The following TMEM263 variants were observed in gnomAD, a reference collection of about 807,000 sequenced individuals.
The protein encoded by TMEM263 is transmembrane protein 263.
A neutral mutation model predicts 8.6 loss-of-function variants in TMEM263; 5 were observed. The ratio of observed to expected loss-of-function variants is 0.58; its 90% confidence interval spans 0.31 to 1.23. The LOEUF (loss-of-function observed/expected upper bound fraction) is 1.23. Ranked by LOEUF, TMEM263 falls within the 50% of genes most tolerant of loss-of-function variation. The pLI is 0.07. For missense variants in TMEM263, 104 were observed against 138.8 expected (o/e 0.75, Z 1.26); for synonymous variants, 50 against 47.9 (o/e 1.04, Z -0.18).
chr12:106,956,240 G>T (rs1951687929), intron 1 of TMEM263, among the ~76,000 whole-genome samples, 175 bp downstream of exon 1: 1 of 152,218 alleles, frequency 6.6e-6, no homozygotes, highest in South Asian at 2.1e-4. Flanking sequence ...AGTTGGGGGC[G>T]GATGGAGGTT....
intron 3 of TMEM263, among the ~76,000 whole-genome samples, chr12:106,967,771 G>T (rs1469853024): frequency 6.6e-6 from 1 of 152,100 alleles, no homozygotes; most frequent in South Asian, 2.1e-4. Flanking sequence ...TTTGTAAAGG[G>T]TGAGGATGGA....
At chr12:106,965,798 CAT>C (rs929136954) in intron 2 of TMEM263, among the ~76,000 whole-genome samples, 3 of 151,188 alleles carry the variant, frequency 2.0e-5, no homozygotes, top group Admixed American at 6.6e-5. Flanking sequence ...TTGATATATA[CAT>C]ATATATATAT....
chr12:106,971,171 G>T lies in TMEM263; in HGVS notation c.131G>T (p.Ser44Ile). 1 of 1,614,232 alleles carries T rather than the reference G, an allele frequency of 6.2e-7. No homozygotes were observed. Among genetic ancestry groups the T allele is most frequent in the Non-Finnish European group, 8.5e-7 (1 of 1,180,046 alleles). The change falls in exon 4 of 4, where the codon AGT (serine) becomes ATT (isoleucine). Residue 44 changes from serine (S) to isoleucine (I), a missense_variant. Coordinates refer to ENST00000280756, the MANE Select transcript of TMEM263 (RefSeq NM_152261.4). ...TCCCGTGTGACTGGGGGTATCTTCA[G>T]TGTTACAAAGGGAGCTGTTGGTGCC... ...MLSRVTGGIF[S>I]VTKGAVGATI...
chr12:106,963,954 G>A (rs1458614818), intron 2 of TMEM263, among the ~76,000 whole-genome samples: 2 of 152,126 alleles, frequency 1.3e-5, no homozygotes, highest in Non-Finnish European at 2.9e-5. Flanking sequence ...AAATATGTAA[G>A]ATGTATGGGT....
intron 2 of TMEM263, among the ~76,000 whole-genome samples, chr12:106,964,993 C>T (rs1951824732): frequency 6.6e-6 from 1 of 152,122 alleles, no homozygotes; most frequent in African/African-American, 2.4e-5. Flanking sequence ...GATCACCTTA[C>T]TCTTTTGTCC....
At chr12:106,967,209 G>A (rs1951858524) in intron 3 of TMEM263, 29 bp downstream of exon 3, 2 of 1,262,918 alleles carry the variant, frequency 1.6e-6, no homozygotes, top group Non-Finnish European at 2.2e-6. Flanking sequence ...CACTAAGAAT[G>A]GAAAAATATA....
At position 106,955,934 on chromosome 12, in the gene TMEM263, G is replaced by A. The variant is rs945000272; in HGVS notation, c.-206G>A. On this transcript the variant is annotated 5_prime_UTR_variant, in exon 1 of 4. Transcript: ENST00000280756. ...AGTCTTCCAGCTCCACATCCTGAGA[G>A]GACGCCTCTGGAGCCGCGACTGCCC... is the stretch of plus-strand genomic sequence containing the variant. 3.0e-6 allele frequency: 3 copies of A among 985,686 alleles called. No homozygotes were observed. The highest frequency in any genetic ancestry group is 4.7e-5 in the South Asian group (1 of 21,296). The allele number at this position is 985,686 out of a possible 1,614,324, so 61.1% of individuals were successfully genotyped here. A position where few individuals can be genotyped will look rare whatever the true frequency, so the allele number is the denominator to read the frequency against.
chr12:106,968,254 A>C (rs1414896750), intron 3 of TMEM263, among the ~76,000 whole-genome samples: 1 of 152,186 alleles, frequency 6.6e-6, no homozygotes, highest in Non-Finnish European at 1.5e-5. Flanking sequence ...AATTGCTAGG[A>C]AAATAGCAAC....
intron 1 of TMEM263, 25 bp from the exon 2 acceptor site, chr12:106,957,057 T>A (rs1951704274): frequency 1.0e-6 from 1 of 982,686 alleles, no homozygotes; most frequent in African/African-American, 1.7e-5. Context: ...CTATATGTGA[T>A]TATTTGCTGT....
chr12:106,966,034 G>A (rs763151542), intron 2 of TMEM263, among the ~76,000 whole-genome samples: 4 of 151,982 alleles, frequency 2.6e-5, no homozygotes, highest in African/African-American at 4.8e-5. Context: ...GATTCATTAC[G>A]TGGGTAAAAT....
rs551274850 is a variant in TMEM263 at position 106,973,165 on chromosome 12, G to A, written c.*1774G>A. The A allele has an allele frequency of 1.6e-4, 25 of 151,540 alleles. No homozygotes were observed. Among genetic ancestry groups the A allele is most frequent in the African/African-American group, 4.8e-4 (20 of 41,268 alleles). The allele number at this position is 151,540 out of a possible 1,614,324, so 9.4% of individuals were successfully genotyped here. On this transcript the variant is annotated 3_prime_UTR_variant, in exon 4 of 4. Transcript: ENST00000280756. Reference sequence around the variant, plus strand: ...AGTTCAACTAATCAGGAATTAAATGGTCATTTATTTCATGCAGTATGATTT... The same window carrying A: ...AGTTCAACTAATCAGGAATTAAATGATCATTTATTTCATGCAGTATGATTT...
At chr12:106,959,435 G>A (rs1951740404) in intron 2 of TMEM263, 1 of 152,036 alleles carries the variant, frequency 6.6e-6, no homozygotes, top group Admixed American at 6.5e-5. Flanking sequence ...TAGAGATGGG[G>A]TTTCAGCATG....
rs1951682657 is a variant in TMEM263, at chr12:106,956,009, G to T, written c.-131G>T. The T allele has an allele frequency of 1.1e-5, 11 of 985,948 alleles. No homozygotes were observed. Among genetic ancestry groups the T allele is most frequent in the South Asian group, 9.4e-5 (2 of 21,306 alleles). 61.1% of individuals were successfully genotyped at this position (985,948 alleles called of 1,614,324 possible). On this transcript the variant is annotated 5_prime_UTR_variant, in exon 1 of 4. Coordinates refer to ENST00000280756, the MANE Select transcript of TMEM263 (RefSeq NM_152261.4). ...GCCCAGGCCGCCTCAGCTCTCCTCT[G>T]CGCCGGCCCGCTCACTCCGCCCGGC...
chr12:106,964,095 T>C (rs1452443322), intron 2 of TMEM263, among the ~76,000 whole-genome samples: 1 of 152,192 alleles, frequency 6.6e-6, no homozygotes, highest in African/African-American at 2.4e-5. Flanking sequence ...GATGAACAAA[T>C]TGGACAAAGG....
intron 2 of TMEM263, chr12:106,959,474 C>G (rs2136757622): frequency 6.6e-6 from 1 of 152,252 alleles, no homozygotes; most frequent in African/African-American, 2.4e-5. Flanking sequence ...AACTCCTGAC[C>G]TCAGGTCATC....
intron 2 of TMEM263, among the ~76,000 whole-genome samples, chr12:106,965,599 C>G (rs1473219877): frequency 7.1e-6 from 1 of 140,880 alleles, no homozygotes; most frequent in Non-Finnish European, 1.5e-5. Flanking sequence ...GAGTGAGACT[C>G]TGTCTCAAAA....
intron 1 of TMEM263, 139 bp from the exon 2 acceptor site, chr12:106,956,943 G>T: frequency 3.0e-6 from 1 of 338,040 alleles, no homozygotes; most frequent in Non-Finnish European, 4.2e-6. Context: ...GGAGAGAAGG[G>T]GCCACCCGGA....
At chr12:106,967,848 G>A (rs1003957861) in intron 3 of TMEM263, among the ~76,000 whole-genome samples, 1 of 152,122 alleles carries the variant, frequency 6.6e-6, no homozygotes, top group Non-Finnish European at 1.5e-5. Flanking sequence ...AATGCAAGAG[G>A]CATTAGAGAT....
intron 3 of TMEM263, among the ~76,000 whole-genome samples, chr12:106,969,490 G>T (rs1207638862): frequency 6.6e-6 from 1 of 152,134 alleles, no homozygotes; most frequent in Non-Finnish European, 1.5e-5. Context: ...ACTTTGGGAG[G>T]CCGAGGTGGG....
Sources: gnomAD v4.1 joint callset for allele counts (sites outside exome capture counted in the v4.1 genomes callset) on GRCh38, gnomAD v4.1.1 for gene constraint, MANE v1.5 for transcripts, NCBI Gene and HGNC (gene_info 2026-07-23, HGNC 2026-07-21) for gene names.